Variants in HIPK1 observed in about 807,000 individuals in gnomAD.
HIPK1 encodes the protein homeodomain interacting protein kinase 1.
In HIPK1, 28 loss-of-function variants were observed where a neutral mutation model predicts 117.1. The ratio of observed to expected loss-of-function variants is 0.24; its 90% CI spans 0.18 to 0.33. The LOEUF (loss-of-function observed/expected upper bound fraction) is 0.33, where lower values mean the gene tolerates loss of function less well. Ranked by LOEUF, HIPK1 falls within the 10% of genes least tolerant of loss-of-function variation. The pLI is 1.00. For synonymous variants in HIPK1, 605 were observed against 562.5 expected (o/e 1.08, Z -1.07); for missense variants, 1,122 against 1,475.1 (o/e 0.76, Z 3.92).
At chr1:113,956,446 T>A (rs924743217) in intron 5 of HIPK1, among the ~76,000 whole-genome samples, 181 bp from the exon 6 acceptor site, 2 of 152,164 alleles carry the variant, frequency 1.3e-5, no homozygotes, top group African/African-American at 4.8e-5. Flanking sequence ...AAGATTTTAA[T>A]TAAACAGCAT....
chr1:113,961,613 G>C (rs750976363), intron 8 of HIPK1, among the ~76,000 whole-genome samples: 1 of 152,080 alleles, frequency 6.6e-6, no homozygotes, highest in Admixed American at 6.6e-5. Flanking sequence ...TTAAAGATTA[G>C]AATTTTAAAA....
intron 9 of HIPK1, 127 bp from the exon 10 acceptor site, chr1:113,963,260 A>G: frequency 9.3e-7 from 1 of 1,080,912 alleles, no homozygotes; most frequent in Non-Finnish European, 1.3e-6. Context: ...TGTTTGGTAT[A>G]TGCATTTTAG....
intron 2 of HIPK1, among the ~76,000 whole-genome samples, chr1:113,951,472 A>G (rs1671358601): frequency 6.6e-6 from 1 of 152,130 alleles, no homozygotes; most frequent in South Asian, 2.1e-4. Context: ...TCTATTTTAG[A>G]TGTGTTCGTA....
rs151302714 is a variant in HIPK1 at position 113,935,937 on chromosome 1, T to G, written c.-2-4445T>G. 3.5e-3 allele frequency among the ~76,000 whole-genome samples: 537 copies of G among 152,334 alleles called. 5 individuals are homozygous for G. Among genetic ancestry groups the G allele is most frequent in the African/African-American group, 0.012 (519 of 41,576 alleles). ...CCACAGATGTTAATTCTGTTTTTGTTGTTGTTGTTGTTTGAAAGCTCTCCA... is the reference window on the plus strand; with the variant it reads ...CCACAGATGTTAATTCTGTTTTTGTGGTTGTTGTTGTTTGAAAGCTCTCCA... On this transcript the variant is annotated intron_variant, in intron 1 of 15. Coordinates refer to ENST00000426820, the MANE Select transcript of HIPK1 (RefSeq NM_198268.3).
At position 113,941,289 on chromosome 1, in the gene HIPK1, C is replaced by G; in HGVS notation, c.906C>G (p.Ala302=). ...CAATCTTGCAGCAGGTGGCCACAGC[C>G]TTGATGAAGCTCAAGAGTCTTGGTC... ...IRPILQQVAT[A]LMKLKSLGLI... is the part of the protein sequence containing the mutation. The change falls in exon 2 of 16, where the codon GCC becomes GCG. Residue 302 remains alanine (A), a synonymous_variant. Coordinates refer to ENST00000426820, the MANE Select transcript of HIPK1 (RefSeq NM_198268.3). This position sits in a 1 kb window ranked among gnomAD's most constrained non-coding sequence, Gnocchi z 4.9. 6.2e-7 allele frequency: 1 copy of G among 1,614,230 alleles called. No individual in the cohort carries two copies. Among genetic ancestry groups the G allele is most frequent in the Non-Finnish European group, 8.5e-7 (1 of 1,180,036 alleles).
chr1:113,963,334 C>T, intron 9 of HIPK1, 53 bp from the exon 10 acceptor site: 1 of 1,598,638 alleles, frequency 6.3e-7, no homozygotes, highest in Non-Finnish European at 8.5e-7. Context: ...CTTCTGAATC[C>T]AGATATCCTG....
chr1:113,936,707 C>A (rs1486583377), intron 1 of HIPK1, among the ~76,000 whole-genome samples: 3 of 152,198 alleles, frequency 2.0e-5, no homozygotes, highest in African/African-American at 7.2e-5. Flanking sequence ...TCATGATCTG[C>A]CTGCCTTGGC....
chr1:113,932,274 CT>C (rs1181650469), intron 1 of HIPK1: 1 of 151,568 alleles, frequency 6.6e-6, no homozygotes, highest in Non-Finnish European at 1.5e-5. Context: ...TGGTACAGTG[CT>C]TTCCCAGAGT....
At chr1:113,953,034 A>T (rs1671469250) in intron 3 of HIPK1, 145 bp downstream of exon 3, 1 of 660,016 alleles carries the variant, frequency 1.5e-6, no homozygotes, top group African/African-American at 1.9e-5. Flanking sequence ...CTTTTTAAAG[A>T]ATAGTATAAT....
Position 113,973,070 on chromosome 1 carries a change from A to G in HIPK1, c.3191A>G (p.Asn1064Ser). 6.5e-7 allele frequency: 1 copy of G among 1,530,958 alleles called. No individual in the cohort carries two copies. Among genetic ancestry groups the G allele is most frequent in the Non-Finnish European group, 8.8e-7 (1 of 1,140,040 alleles). The allele number at this position is 1,530,958 out of a possible 1,614,324, so 94.8% of individuals were successfully genotyped here. ...AAPTSQERSS[N>S]PAPRRQQAFV... ...CCAACCTCACAGGAGAGAAGCAGCA[A>G]CCCAGCCCCCCGCAGGCAGCAGGCG... Residue 1064 changes from asparagine to serine, a missense_variant, in exon 16 of 16, where the codon AAC becomes AGC. Physicochemically the swap from Asn to Ser is conservative, Grantham distance 46. This residue lies in a region of HIPK1 where 731 missense variants were observed against 860.4 expected (regional missense o/e 0.85). Transcript: ENST00000426820.
At chr1:113,966,376 T>C in intron 11 of HIPK1, 104 bp downstream of exon 11, 1 of 1,082,276 alleles carries the variant, frequency 9.2e-7, no homozygotes, top group East Asian at 2.6e-5. Context: ...AAGGAAAATT[T>C]GACACTGTTG....
intron 2 of HIPK1, among the ~76,000 whole-genome samples, 176 bp from the exon 3 acceptor site, chr1:113,952,590 T>A (rs532561458): frequency 6.6e-6 from 1 of 152,356 alleles, no homozygotes; most frequent in East Asian, 1.9e-4. Context: ...ATATTCTGAA[T>A]TCCAAAACAC....
At position 113,938,340 on chromosome 1, in the gene HIPK1, A is replaced by G. The variant is rs186861013; in HGVS notation, c.-2-2042A>G. ...GGCTGATCTTGAACTCCTGAGCTCA[A>G]GTGATCCTCCTGCCTGGGCCTCCCA... On this transcript the variant is annotated intron_variant, in intron 1 of 15. Coordinates refer to ENST00000426820, the MANE Select transcript of HIPK1 (RefSeq NM_198268.3). Among the ~76,000 whole-genome samples, 1,492 of 151,660 alleles carry G rather than the reference A, an allele frequency of 9.8e-3. 10 individuals carry two copies. Among genetic ancestry groups the G allele is most frequent in the Non-Finnish European group, 0.016 (1,070 of 67,892 alleles).
intron 9 of HIPK1, among the ~76,000 whole-genome samples, chr1:113,963,137 T>C (rs2101423157): frequency 6.6e-6 from 1 of 152,342 alleles, no homozygotes; most frequent in African/African-American, 2.4e-5. Context: ...CTCTGTTTCA[T>C]AGAACTGATC....
rs1206401182 is a variant in HIPK1, at chr1:113,940,494, T to C, written c.111T>C (p.Ser37=). ...CTGGCTGGGATGTTTCAGGACAGAGTAGCAACGACAAATATTATACCCACA... is the reference window on the plus strand; with the variant it reads ...CTGGCTGGGATGTTTCAGGACAGAGCAGCAACGACAAATATTATACCCACA... ...EPSGWDVSGQ[S]SNDKYYTHSK... is the part of the protein sequence containing the mutation. Residue 37 remains serine, a synonymous_variant, in exon 2 of 16, where the codon AGT becomes AGC. Coordinates refer to ENST00000426820, the MANE Select transcript of HIPK1 (RefSeq NM_198268.3). 1.2e-6 allele frequency: 2 copies of C among 1,613,822 alleles called. No individual in the cohort carries two copies. The highest frequency in any genetic ancestry group is 1.3e-5 in the African/African-American group (1 of 74,800).
chr1:113,961,047 T>G (rs1241765891), intron 8 of HIPK1, among the ~76,000 whole-genome samples: 1 of 152,206 alleles, frequency 6.6e-6, no homozygotes, highest in East Asian at 1.9e-4. Flanking sequence ...ATTGCAGACA[T>G]TAGTGAATTG....
chr1:113,959,718 T>A (rs193090600), intron 8 of HIPK1, among the ~76,000 whole-genome samples: 1 of 152,328 alleles, frequency 6.6e-6, no homozygotes, highest in Non-Finnish European at 1.5e-5. Context: ...TTTGAAATTT[T>A]TCCTATCTAG....
chr1:113,972,261 C>A (rs563086524), intron 15 of HIPK1, among the ~76,000 whole-genome samples: 9 of 152,284 alleles, frequency 5.9e-5, no homozygotes, highest in African/African-American at 2.2e-4. Context: ...TAGGCATATG[C>A]TTTGAGACCA....
At chr1:113,951,331 A>G in intron 2 of HIPK1, 1 of 949,824 alleles carries the variant, frequency 1.1e-6, no homozygotes, top group Non-Finnish European at 1.3e-6. Flanking sequence ...TGTAATATAT[A>G]ATATACTCAA....
Sources: gnomAD v4.1 joint callset for allele counts (sites outside exome capture counted in the v4.1 genomes callset) on GRCh38, gnomAD v4.1.1 for gene constraint, gnomAD v4.1.1 regional missense constraint, Gnocchi (gnomAD v3.1) non-coding constraint, MANE v1.5 for transcripts, NCBI Gene and HGNC (gene_info 2026-07-23, HGNC 2026-07-21) for gene names.